PLXNA1: variants seen among roughly 807,000 people sequenced by gnomAD.
PLXNA1 encodes the protein plexin A1, also known as plexin-A1.
A neutral mutation model predicts 191.7 loss-of-function variants in PLXNA1; 77 were observed. The ratio of observed to expected loss-of-function variants is 0.40; its 90% CI spans 0.33 to 0.49. PLXNA1 has a LOEUF of 0.49. Among genes scored for constraint, PLXNA1 ranks in the 20% least tolerant of loss-of-function variants. PLXNA1 has a pLI of 0.63. For synonymous variants in PLXNA1, 1,137 were observed against 1,156.4 expected (o/e 0.98, Z 0.34); for missense variants, 2,110 against 2,660.2 (o/e 0.79, Z 4.55).
At chr3:127,003,776 T>C (rs2079052632) in intron 4 of PLXNA1, among the ~76,000 whole-genome samples, 1 of 152,282 alleles carries the variant, frequency 6.6e-6, no homozygotes, top group Middle Eastern at 3.4e-3. Flanking sequence ...AACAGATGTA[T>C]GAAGGAGAGC....
At position 127,017,763 on chromosome 3, in the gene PLXNA1, G is replaced by C. The variant is rs534076822; in HGVS notation, c.3531G>C (p.Leu1177Phe). The change falls in exon 19 of 32, where the codon TTG becomes TTC. Residue 1177 changes from leucine (L) to phenylalanine (F), a missense_variant. Around this residue, in one of 4 missense-constraint regions of PLXNA1, gnomAD observed 644 missense variants for 714.3 expected, o/e 0.90. Transcript: ENST00000393409. Reference sequence around the variant, plus strand: ...ATCTCCTACAGGGCCGGAACCTCTTGCCACCTGCACCCGGCAACTCCCGAC... The same window carrying C: ...ATCTCCTACAGGGCCGGAACCTCTTCCCACCTGCACCCGGCAACTCCCGAC... Reference protein sequence around the residue: ...SPLILKGRNLLPPAPGNSRLN... With the variant: ...SPLILKGRNLFPPAPGNSRLN... The C allele has an allele frequency of 5.0e-6, 8 of 1,613,172 alleles. No individual in the cohort carries two copies. In the South Asian group the frequency reaches 8.8e-5, roughly 18 times the overall value.
intron 3 of PLXNA1, among the ~76,000 whole-genome samples, chr3:126,999,974 C>T (rs72959008): frequency 6.6e-6 from 1 of 151,998 alleles, no homozygotes; most frequent in Non-Finnish European, 1.5e-5. Context: ...ATGGTCCAGG[C>T]AGAAGCAGGT....
intron 9 of PLXNA1, 118 bp from the exon 10 acceptor site, chr3:127,011,840 G>A (rs2079097176): frequency 1.1e-6 from 1 of 948,802 alleles, no homozygotes; most frequent in South Asian, 1.5e-5. Context: ...GCATAAAATG[G>A]GCACATTGGT....
At chr3:126,986,915 G>A (rs1453046683) in intron 1 of PLXNA1, among the ~76,000 whole-genome samples, 1 of 152,208 alleles carries the variant, frequency 6.6e-6, no homozygotes, top group Non-Finnish European at 1.5e-5. Flanking sequence ...TCTGTAAAAT[G>A]GGGCCAGACC....
intron 21 of PLXNA1, among the ~76,000 whole-genome samples, chr3:127,020,676 T>G (rs560953711): frequency 5.9e-5 from 9 of 152,212 alleles, no homozygotes; most frequent in Non-Finnish European, 1.3e-4. Flanking sequence ...AGCAAACCAC[T>G]TGTCAGCCTG....
At chr3:127,019,022 C>T (rs2079139790) in intron 20 of PLXNA1, among the ~76,000 whole-genome samples, 1 of 152,174 alleles carries the variant, frequency 6.6e-6, no homozygotes, top group East Asian at 1.9e-4. Flanking sequence ...GACCTTTGTC[C>T]TTGAGATGTC....
rs2079114859 is a variant in PLXNA1 at position 127,014,840 on chromosome 3, G to T, written c.2877+9G>T. ...AGCGCTTCACCTTCGTGGTGAGTCT[G>T]CTGCCCTCCCTCTCTCCCTATTCTC... is the stretch of plus-strand genomic sequence containing the variant. On this transcript the variant is annotated intron_variant, in intron 14 of 31. Coordinates refer to ENST00000393409, the MANE Select transcript of PLXNA1 (RefSeq NM_032242.4). The T allele has an allele frequency of 6.2e-7, 1 of 1,610,124 alleles. No homozygotes were observed.
Position 126,989,232 on chromosome 3 carries a change from C to G in PLXNA1, c.639C>G (p.Ala213=), listed in dbSNP as rs753021262. The change falls in exon 2 of 32, where the codon GCC becomes GCG. Residue 213 remains alanine, a synonymous_variant. Transcript: ENST00000393409. ...GGCTCATGGCCAACGAGGAGGATGC[C>G]GACATGTTCGGCTTCGTGTACCAGG... is the stretch of plus-strand genomic sequence containing the variant. ...SRRLMANEED[A]DMFGFVYQDE... is the part of the protein sequence containing the mutation. 2 of 1,613,534 alleles carry G rather than the reference C, an allele frequency of 1.2e-6. No individual in the cohort carries two copies. The highest frequency in any genetic ancestry group is 1.7e-5 in the Admixed American group (1 of 60,010).
In PLXNA1 at chr3:127,020,202, C is replaced by T; in HGVS notation, c.3896C>T (p.Ala1299Val). 1 of 1,612,674 alleles carries T rather than the reference C, an allele frequency of 6.2e-7. No individual in the cohort carries two copies. The highest frequency in any genetic ancestry group is 8.5e-7 in the Non-Finnish European group (1 of 1,179,896). ...ESRVALECKEAFAELQTDIHE... is the reference protein window; with the variant it reads ...ESRVALECKEVFAELQTDIHE... ...CCCCTGACGCCGCATCTGGCCACAG[C>T]CTTTGCAGAGCTGCAGACAGACATC... is the stretch of plus-strand genomic sequence containing the variant. Residue 1299 changes from alanine (A) to valine (V), a missense_variant and splice_region_variant, in exon 21 of 32, where the codon GCC becomes GTC. Physicochemically the swap from Ala to Val is moderately conservative, Grantham distance 64. This residue lies in a region of PLXNA1 where 559 missense variants were observed against 911.5 expected (regional missense o/e 0.61). Coordinates refer to ENST00000393409, the MANE Select transcript of PLXNA1 (RefSeq NM_032242.4).
intron 29 of PLXNA1, 102 bp downstream of exon 29, chr3:127,030,514 CCT>C: frequency 7.0e-7 from 1 of 1,435,524 alleles, no homozygotes; most frequent in Non-Finnish European, 9.5e-7. Context: ...CTTGGGGCTC[CCT>C]GGCGTGGGGA....
At chr3:127,005,725 C>T (rs1202392612) in intron 7 of PLXNA1, among the ~76,000 whole-genome samples, 1 of 146,292 alleles carries the variant, frequency 6.8e-6, no homozygotes, top group Non-Finnish European at 1.5e-5. Context: ...GAGGGGTGGG[C>T]TATGTGGGGC....
intron 3 of PLXNA1, among the ~76,000 whole-genome samples, chr3:126,999,553 G>A (rs1444095259): frequency 2.6e-5 from 4 of 152,206 alleles, no homozygotes; most frequent in African/African-American, 9.6e-5. Flanking sequence ...AGCCTGGGTG[G>A]CCCAGACATC....
chr3:127,027,551 T>G (rs2107637248), intron 23 of PLXNA1: 2 of 406,466 alleles, frequency 4.9e-6, no homozygotes, highest in Non-Finnish European at 4.9e-6. Flanking sequence ...CACCTCCAGC[T>G]GGGGAGCAGG....
intron 17 of PLXNA1, among the ~76,000 whole-genome samples, 153 bp downstream of exon 17, chr3:127,017,190 C>T (rs1423215768): frequency 6.6e-6 from 1 of 152,226 alleles, no homozygotes; most frequent in Non-Finnish European, 1.5e-5. Context: ...CCTGGGGAGG[C>T]ACCTGTCCTG....
At chr3:126,990,593 G>A (rs1056561561) in intron 2 of PLXNA1, among the ~76,000 whole-genome samples, 12 of 152,216 alleles carry the variant, frequency 7.9e-5, no homozygotes, top group African/African-American at 1.2e-4. Flanking sequence ...GCTGGGGGTC[G>A]CTGGCCATCG....
chr3:127,026,166 G>A (rs2079175557), intron 23 of PLXNA1, among the ~76,000 whole-genome samples: 3 of 152,208 alleles, frequency 2.0e-5, no homozygotes, highest in Admixed American at 6.5e-5. Context: ...ACAAGAAAAG[G>A]ACTGGGCCTT....
Position 127,006,310 on chromosome 3 carries a change from A to T in PLXNA1, c.1997+132A>T, listed in dbSNP as rs2079068868. The T allele has an allele frequency of 1.7e-5, 12 of 724,970 alleles. No homozygotes were observed. In the South Asian group the frequency reaches 1.9e-4, roughly 12 times the overall value. 44.9% of individuals were successfully genotyped at this position (724,970 alleles called of 1,614,324 possible). A position where few individuals can be genotyped will look rare whatever the true frequency, so the allele number is the denominator to read the frequency against. ...CCAGGCAGCAGATGGTGATTCCATG[A>T]TTGGGGCTCCTGAGGCTGGGCGGTC... On this transcript the variant is annotated intron_variant, in intron 8 of 31. Transcript: ENST00000393409.
chr3:126,989,575 C>T lies in PLXNA1; in HGVS notation c.982C>T (p.Leu328=). The T allele has an allele frequency of 6.2e-7, 1 of 1,613,232 alleles. No homozygotes were observed. The highest frequency in any genetic ancestry group is 8.5e-7 in the Non-Finnish European group (1 of 1,180,008). Residue 328 remains leucine, a synonymous_variant, in exon 2 of 32, where the codon CTG becomes TTG. Coordinates refer to ENST00000393409, the MANE Select transcript of PLXNA1 (RefSeq NM_032242.4). The stretch of plus-strand genomic sequence containing the variant: ...GCCCGGCCGTGCCCTGGCCCACCAG[C>T]TGGGCCTGGCTGAGGACGAGGACGT... ...SRPGRALAHQ[L]GLAEDEDVLF...
At chr3:126,998,480 C>T (rs1164498084) in intron 3 of PLXNA1, among the ~76,000 whole-genome samples, 1 of 152,182 alleles carries the variant, frequency 6.6e-6, no homozygotes, top group African/African-American at 2.4e-5. Flanking sequence ...TGGCCAAGCC[C>T]CAGGTTAGCC....
Sources: allele counts gnomAD v4.1 joint callset (sites outside exome capture counted in the v4.1 genomes callset), GRCh38; gene constraint gnomAD v4.1.1; regional missense constraint gnomAD v4.1.1; transcripts MANE v1.5; gene names NCBI Gene and HGNC (gene_info 2026-07-23, HGNC 2026-07-21).